Variants in LNX2 observed in about 807,000 individuals in gnomAD.
The protein encoded by LNX2 is ligand of Numb protein X 2.
In LNX2, 35 loss-of-function variants were observed where a neutral mutation model predicts 66.2. The observed-to-expected ratio is 0.53, with a 90% CI of 0.40 to 0.70. The LOEUF (loss-of-function observed/expected upper bound fraction) is 0.70, where lower values mean the gene tolerates loss of function less well. LNX2 is among the 30% of genes least tolerant of loss of function. The pLI, the probability that LNX2 is intolerant of heterozygous loss-of-function variation, is 0.00. For missense variants in LNX2, 791 were observed against 850.8 expected (o/e 0.93, Z 0.87); for synonymous variants, 337 against 315.6 (o/e 1.07, Z -0.72).
At chr13:27,563,260 C>G (rs1265606509) in intron 4 of LNX2, among the ~76,000 whole-genome samples, 1 of 152,134 alleles carries the variant, frequency 6.6e-6, no homozygotes, top group Non-Finnish European at 1.5e-5. Flanking sequence ...ATTAAATACA[C>G]TTAAGCTAGA....
intron 1 of LNX2, among the ~76,000 whole-genome samples, chr13:27,616,071 T>C (rs1955822283): frequency 6.6e-6 from 1 of 151,496 alleles, no homozygotes; most frequent in African/African-American, 2.4e-5. Context: ...GGGGTGCAGC[T>C]TGGTTTTATA....
At chr13:27,607,324 T>A (rs1050236592) in intron 1 of LNX2, among the ~76,000 whole-genome samples, 1 of 152,194 alleles carries the variant, frequency 6.6e-6, no homozygotes, top group Non-Finnish European at 1.5e-5. Flanking sequence ...CACCACAACG[T>A]CAACTGATGA....
At position 27,606,377 on chromosome 13, in the gene LNX2, C is replaced by T. The variant is rs1425734952; in HGVS notation, c.-101+13998G>A. ...TAAGTAACAAGGTCATGATTTATAG[C>T]GAAAAAAAAAAAAAGAGAGAAAAGC... On this transcript the variant is annotated intron_variant, in intron 1 of 9. Coordinates refer to ENST00000316334, the MANE Select transcript of LNX2 (RefSeq NM_153371.4). 6.1e-5 allele frequency among the ~76,000 whole-genome samples: 3 copies of T among 49,482 alleles called. No homozygotes were observed. In the South Asian group the frequency reaches 2.2e-3, roughly 36 times the overall value. 32.5% of individuals were successfully genotyped at this position (49,482 alleles called of 152,430 possible). A position where few individuals can be genotyped will look rare whatever the true frequency, so the allele number is the denominator to read the frequency against.
intron 8 of LNX2, among the ~76,000 whole-genome samples, chr13:27,551,398 GA>G (rs1028244065): frequency 4.8e-5 from 7 of 146,532 alleles, no homozygotes; most frequent in East Asian, 2.0e-4. Flanking sequence ...CAGAGAGGGA[GA>G]AAAAAAAAAT....
rs1955433833 is a variant in LNX2, at chr13:27,583,232, G to GTGCGCGCGCGTCCTCTCCTATATAACTT, written c.-100-1430_-100-1429insAAGTTATATAGGAGAGGACGCGCGCGCA. 6.5e-4 allele frequency among the ~76,000 whole-genome samples: 15 copies of GTGCGCGCGCGTCCTCTCCTATATAACTT among 23,186 alleles called. 1 individual carries two copies. The highest frequency in any genetic ancestry group is 1.5e-3 in the South Asian group (1 of 660). 15.2% of individuals were successfully genotyped at this position (23,186 alleles called of 152,430 possible). A position where few individuals can be genotyped will look rare whatever the true frequency, so the allele number is the denominator to read the frequency against. On this transcript the variant is annotated intron_variant, in intron 1 of 9. Transcript: ENST00000316334. ...TGTGTGTGTGTGTGTGTGTGTGTGT[G>GTGCGCGCGCGTCCTCTCCTATATAACTT]TGTGTGTGTGTGTGTGTGTGTGTGC... is the stretch of plus-strand genomic sequence containing the variant.
chr13:27,548,486 C>T lies in LNX2; in HGVS notation c.1938-16G>A. ...GTCACCACACCTGGACAAAGAGAGA[C>T]AGATACAGAATGTTACTATTTTCAT... On this transcript the variant is annotated splice_polypyrimidine_tract_variant and intron_variant, in intron 9 of 9. Coordinates refer to ENST00000316334, the MANE Select transcript of LNX2 (RefSeq NM_153371.4). 2.1e-5 allele frequency: 33 copies of T among 1,603,094 alleles called. No individual in the cohort carries two copies. Among genetic ancestry groups the T allele is most frequent in the Non-Finnish European group, 2.8e-5 (33 of 1,176,342 alleles).
chr13:27,561,867 T>G (rs1236803624), intron 5 of LNX2, among the ~76,000 whole-genome samples: 7 of 152,260 alleles, frequency 4.6e-5, no homozygotes, highest in Non-Finnish European at 1.0e-4. Context: ...ATGAAAAACA[T>G]GTTCTTTCTC....
rs1002345839 is a variant in LNX2, at chr13:27,607,481, C to T, written c.-101+12894G>A. Among the ~76,000 whole-genome samples the T allele has an allele frequency of 3.3e-5, 5 of 152,074 alleles. 1 individual carries two copies. Among genetic ancestry groups the T allele is most frequent in the Admixed American group, 6.6e-5 (1 of 15,266 alleles). The stretch of plus-strand genomic sequence containing the variant: ...CACAGATGACAGTTTTTAAACAAGG[C>T]GTGAAAAACTTCAAAATAAAACTGC... On this transcript the variant is annotated intron_variant, in intron 1 of 9. Coordinates refer to ENST00000316334, the MANE Select transcript of LNX2 (RefSeq NM_153371.4).
Position 27,567,778 on chromosome 13 carries a change from G to A in LNX2, c.717C>T (p.Ser239=). 6.2e-7 allele frequency: 1 copy of A among 1,613,994 alleles called. No individual in the cohort carries two copies. Among genetic ancestry groups the A allele is most frequent in the Non-Finnish European group, 8.5e-7 (1 of 1,179,962 alleles). The change falls in exon 4 of 10, where the codon TCC becomes TCT. Residue 239 remains serine (S), a synonymous_variant. Transcript: ENST00000316334. ...GEITTIEIHR[S]NPYIQLGISI... is the part of the protein sequence containing the mutation. ...TGATTCCTAACTGAATGTAAGGATT[G>A]GACCGATGAATTTCAATCGTGGTGA...
At chr13:27,584,131 C>A (rs534518921) in intron 1 of LNX2, among the ~76,000 whole-genome samples, 1 of 152,298 alleles carries the variant, frequency 6.6e-6, no homozygotes, top group East Asian at 1.9e-4. Flanking sequence ...GCGTGCCTGC[C>A]ACAAGAACCT....
At chr13:27,577,700 T>C (rs1955354458) in intron 2 of LNX2, among the ~76,000 whole-genome samples, 1 of 152,228 alleles carries the variant, frequency 6.6e-6, no homozygotes, top group Non-Finnish European at 1.5e-5. Flanking sequence ...GTAAACTTTT[T>C]ATAATGGCAT....
At chr13:27,576,093 T>C (rs1263314092) in intron 2 of LNX2, among the ~76,000 whole-genome samples, 1 of 152,086 alleles carries the variant, frequency 6.6e-6, no homozygotes, top group East Asian at 1.9e-4. Context: ...ACACTTCAGA[T>C]TCAAAGACAT....
chr13:27,591,441 C>T (rs948399457), intron 1 of LNX2, among the ~76,000 whole-genome samples: 2 of 152,278 alleles, frequency 1.3e-5, no homozygotes, highest in African/African-American at 2.4e-5. Context: ...GTTTCCAAAA[C>T]GGATTCAAAC....
intron 2 of LNX2, among the ~76,000 whole-genome samples, chr13:27,576,727 GA>G (rs147533969): frequency 1.1e-4 from 14 of 128,788 alleles, no homozygotes; most frequent in Admixed American, 3.9e-4. Context: ...GCTATCTCCA[GA>G]AAAAAAAAAA....
intron 3 of LNX2, among the ~76,000 whole-genome samples, 168 bp downstream of exon 3, chr13:27,568,861 G>A (rs1955239092): frequency 6.6e-6 from 1 of 152,180 alleles, no homozygotes; most frequent in South Asian, 2.1e-4. Context: ...ATTGTACAAT[G>A]AAAAGGGTGA....
At chr13:27,598,842 CAT>C (rs893211592) in intron 1 of LNX2, among the ~76,000 whole-genome samples, 24 of 152,194 alleles carry the variant, frequency 1.6e-4, no homozygotes, top group Admixed American at 1.3e-3. Context: ...TACATATACA[CAT>C]ATATGTTTAC....
Position 27,548,427 on chromosome 13 carries a change from C to T in LNX2, c.1981G>A (p.Gly661Ser), listed in dbSNP as rs1954968558. The change falls in exon 10 of 10, where the codon GGC (glycine) becomes AGC (serine). Residue 661 changes from glycine (G) to serine (S), a missense_variant. Transcript: ENST00000316334. ...GGAACTAGTGCAGAGTGGCTCATGC[C>T]CACGGTTGACAGCCCATTTACGGCC... ...IVAVNGLSTV[G>S]MSHSALVPML... The T allele has an allele frequency of 2.5e-6, 4 of 1,613,944 alleles. No individual in the cohort carries two copies. The African/African-American group carries it at 4.0e-5, about 16-fold the overall frequency.
At chr13:27,578,221 T>G (rs73163593) in intron 2 of LNX2, among the ~76,000 whole-genome samples, 5,314 of 152,288 alleles carry the variant, frequency 0.035, 133 homozygotes, top group Middle Eastern at 0.054. Flanking sequence ...AATGCTCTAT[T>G]TCTACCAATA....
At chr13:27,562,156 A>G (rs1171637577) in intron 5 of LNX2, among the ~76,000 whole-genome samples, 5 of 152,220 alleles carry the variant, frequency 3.3e-5, no homozygotes, top group African/African-American at 1.2e-4. Context: ...GACCCAAATG[A>G]GAAATGAATG....
Sources: allele counts gnomAD v4.1 joint callset (sites outside exome capture counted in the v4.1 genomes callset), GRCh38; gene constraint gnomAD v4.1.1; transcripts MANE v1.5; gene names NCBI Gene and HGNC (gene_info 2026-07-23, HGNC 2026-07-21).